DOCK9: variants seen among roughly 807,000 people sequenced by gnomAD.
DOCK9 encodes dedicator of cytokinesis 9, also known as dedicator of cytokinesis protein 9.
Under a neutral mutation model 263.3 loss-of-function variants are expected in DOCK9, and 89 were observed. That is an observed-to-expected ratio of 0.34 (90% CI 0.28 to 0.40). DOCK9 has a LOEUF of 0.40. Among genes scored for constraint, DOCK9 ranks in the 10% least tolerant of loss-of-function variants. The pLI, the probability that DOCK9 is intolerant of heterozygous loss-of-function variation, is 1.00. For synonymous variants in DOCK9, 976 were observed against 973.1 expected (o/e 1.00, Z -0.06); for missense variants, 2,140 against 2,603.4 (o/e 0.82, Z 3.87).
intron 1 of DOCK9, among the ~76,000 whole-genome samples, chr13:99,071,130 G>A (rs370251239): frequency 8.6e-5 from 13 of 151,934 alleles, no homozygotes; most frequent in African/African-American, 3.1e-4. Flanking sequence ...ATTTGTATGT[G>A]ATATATATTA....
intron 33 of DOCK9, chr13:98,857,846 G>A (rs942285133): frequency 5.9e-5 from 9 of 152,332 alleles, no homozygotes; most frequent in African/African-American, 2.2e-4. Flanking sequence ...CAAGGGACAG[G>A]TAAAAACCCT....
intron 15 of DOCK9, among the ~76,000 whole-genome samples, chr13:98,890,889 T>G (rs964072927): frequency 2.6e-5 from 4 of 152,180 alleles, no homozygotes; most frequent in African/African-American, 9.7e-5. Flanking sequence ...TCCCTCTCAT[T>G]TCCACTTGTC....
Position 98,989,316 on chromosome 13 carries a change from AATGATGATGATG to A in DOCK9, c.130-33777_130-33766del, listed in dbSNP as rs10536129. Reference sequence around the variant, plus strand: ...TTTTGGGAGCTTGAAAATTAATAATAATGATGATGATGATGATGATGATGATGATGATAATAA... The same window carrying A: ...TTTTGGGAGCTTGAAAATTAATAATAATGATGATGATGATGATGATAATAA... On this transcript the variant is annotated intron_variant, in intron 1 of 32. Coordinates refer to the DOCK9 transcript ENST00000427887. Among the ~76,000 whole-genome samples the A allele has an allele frequency of 1.2e-3, 168 of 138,164 alleles. 1 individual carries two copies. The highest frequency in any genetic ancestry group is 3.9e-3 in the African/African-American group (142 of 36,760). 90.6% of individuals were successfully genotyped at this position (138,164 alleles called of 152,430 possible).
At chr13:98,950,292 T>C (rs1031344468) in intron 2 of DOCK9, 113 of 763,016 alleles carry the variant, frequency 1.5e-4, no homozygotes, top group Middle Eastern at 3.3e-4. Flanking sequence ...ATAGGAATGA[T>C]TCCAGTCGCT....
intron 34 of DOCK9, 43 bp from the exon 35 acceptor site, chr13:98,853,565 G>A (rs1471252155): frequency 1.4e-6 from 2 of 1,383,976 alleles, no homozygotes; most frequent in African/African-American, 2.9e-5. Context: ...AATTACGGGA[G>A]GAAAACGTGT....
chr13:98,942,606 A>C (rs893339798), intron 2 of DOCK9, among the ~76,000 whole-genome samples: 8 of 152,254 alleles, frequency 5.3e-5, no homozygotes, highest in African/African-American at 1.9e-4. Flanking sequence ...CATCTAGCAC[A>C]GTGGATATGC....
upstream of DOCK9, among the ~76,000 whole-genome samples, chr13:98,979,229 T>TAGTAGTAGTAGC (rs1555439294): frequency 7.2e-5 from 9 of 125,050 alleles, no homozygotes; most frequent in African/African-American, 2.7e-4. Context: ...GTAGTAGTAG[T>TAGTAGTAGTAGC]AGCAGCAGCG....
chr13:99,039,304 A>C (rs140043693), intron 1 of DOCK9, among the ~76,000 whole-genome samples: 5 of 152,074 alleles, frequency 3.3e-5, no homozygotes, highest in Non-Finnish European at 7.4e-5. Context: ...AATAAAACCT[A>C]TAATTGATGG....
intron 1 of DOCK9, among the ~76,000 whole-genome samples, chr13:98,985,970 C>A (rs1878361868): frequency 6.6e-6 from 1 of 152,242 alleles, no homozygotes; most frequent in African/African-American, 2.4e-5. Flanking sequence ...TTCTCACTTT[C>A]CTCACTACAT....
At chr13:99,004,079 C>T (rs751495155) in intron 1 of DOCK9, among the ~76,000 whole-genome samples, 1 of 152,128 alleles carries the variant, frequency 6.6e-6, no homozygotes, top group Non-Finnish European at 1.5e-5. Flanking sequence ...GGACTTTGCT[C>T]CCTCTGCAGA....
intron 27 of DOCK9, among the ~76,000 whole-genome samples, chr13:98,877,665 T>G (rs1401075499): frequency 6.6e-6 from 1 of 152,178 alleles, no homozygotes; most frequent in Non-Finnish European, 1.5e-5. Context: ...TTCCCCACAC[T>G]ACTGAGCACT....
intron 1 of DOCK9, among the ~76,000 whole-genome samples, chr13:98,964,489 T>C (rs1014331902): frequency 4.6e-5 from 7 of 152,178 alleles, no homozygotes; most frequent in African/African-American, 4.8e-5. Context: ...AGGGAGCATG[T>C]GCATGGATGG....
At position 98,831,382 on chromosome 13, in the gene DOCK9, G is replaced by C. The variant is rs1195281538; in HGVS notation, c.4601C>G (p.Thr1534Ser). The change falls in exon 41 of 53, where the codon ACT becomes AGT. Residue 1534 changes from threonine (T) to serine (S), a missense_variant. Physicochemically the swap from Thr to Ser is moderately conservative, Grantham distance 58. Transcript: ENST00000682017. ...YFLMRNNFDYTGKKSFVRTHL... is the reference protein window; with the variant it reads ...YFLMRNNFDYSGKKSFVRTHL... ...TGTCCGGACAAAGGACTTCTTTCCA[G>C]TGTAATCAAAGTTGTTCCTCATCAG... is the stretch of plus-strand genomic sequence containing the variant. The C allele has an allele frequency of 6.2e-7, 1 of 1,605,178 alleles. No homozygotes were observed. The highest frequency in any genetic ancestry group is 8.5e-7 in the Non-Finnish European group (1 of 1,175,646).
chr13:98,888,762 C>G, intron 15 of DOCK9, 51 bp from the exon 16 acceptor site: 1 of 1,495,164 alleles, frequency 6.7e-7, no homozygotes, highest in Non-Finnish European at 9.3e-7. Flanking sequence ...AACTCTAAAA[C>G]CGACACTCTA....
At chr13:99,080,780 G>A (rs1322083556) in intron 1 of DOCK9, among the ~76,000 whole-genome samples, 1 of 152,152 alleles carries the variant, frequency 6.6e-6, no homozygotes, top group Non-Finnish European at 1.5e-5. Flanking sequence ...TCCATGGTGT[G>A]CCTTAGTACT....
At chr13:99,036,575 C>T (rs1445230964) in intron 1 of DOCK9, among the ~76,000 whole-genome samples, 1 of 152,136 alleles carries the variant, frequency 6.6e-6, no homozygotes, top group Non-Finnish European at 1.5e-5. Context: ...CAGAGTCTTG[C>T]TCTGTCACCA....
chr13:99,078,471 G>A (rs920010179), intron 1 of DOCK9, among the ~76,000 whole-genome samples: 3 of 152,202 alleles, frequency 2.0e-5, no homozygotes, highest in Non-Finnish European at 2.9e-5. Flanking sequence ...TGAGCCCTGA[G>A]AGGCCGCCCC....
At chr13:98,990,556 T>G (rs1485279188) in intron 1 of DOCK9, among the ~76,000 whole-genome samples, 1 of 152,212 alleles carries the variant, frequency 6.6e-6, no homozygotes, top group Non-Finnish European at 1.5e-5. Context: ...GGGAAAAACA[T>G]GAGACTTCTA....
chr13:98,846,690 C>T (rs1182376057), intron 37 of DOCK9: 14 of 518,874 alleles, frequency 2.7e-5, no homozygotes, highest in African/African-American at 1.9e-5. Flanking sequence ...TCCCCTGTCC[C>T]GGAGCCAACC....
Sources: allele counts gnomAD v4.1 joint callset (sites outside exome capture counted in the v4.1 genomes callset), GRCh38; gene constraint gnomAD v4.1.1; transcripts MANE v1.5; gene names NCBI Gene and HGNC (gene_info 2026-07-23, HGNC 2026-07-21).